Variants in GPC5 observed in about 807,000 individuals in gnomAD.
GPC5 encodes the protein glypican-5.
GPC5 carries 47 observed loss-of-function variants against 53.9 expected under a neutral mutation model. The observed-to-expected ratio is 0.87, with a 90% CI of 0.69 to 1.11. The LOEUF (loss-of-function observed/expected upper bound fraction) is 1.11. Ranked by LOEUF, GPC5 falls within the 50% of genes most tolerant of loss-of-function variation. The probability of loss-of-function intolerance (pLI) is 0.00; values close to 1 mark genes in which losing one functional copy is unlikely to be tolerated. For missense variants in GPC5, 748 were observed against 713.1 expected, an observed-to-expected ratio of 1.05 and a Z score of -0.56; for synonymous variants, 286 against 263.3, an observed-to-expected ratio of 1.09 and a Z score of -0.84.
intron 5 of GPC5, among the ~76,000 whole-genome samples, chr13:91,846,110 G>T (rs1343576041): frequency 6.6e-6 from 1 of 152,018 alleles, no homozygotes; most frequent in Non-Finnish European, 1.5e-5. Flanking sequence ...AAAGAGTTGT[G>T]GGGCTCCCTC....
At chr13:92,318,657 G>C (rs1269547538) in intron 7 of GPC5, among the ~76,000 whole-genome samples, 1 of 152,046 alleles carries the variant, frequency 6.6e-6, no homozygotes, top group Admixed American at 6.6e-5. Context: ...TGTTTAATGT[G>C]GGATGCATGA....
At chr13:92,578,001 T>G (rs1207977004) in intron 7 of GPC5, among the ~76,000 whole-genome samples, 1 of 152,190 alleles carries the variant, frequency 6.6e-6, no homozygotes, top group Admixed American at 6.5e-5. Flanking sequence ...GGAAAGACGA[T>G]GCAATGAAGG....
Position 92,113,536 on chromosome 13 carries a change from C to T in GPC5, c.1402-31294C>T, listed in dbSNP as rs563156332. On this transcript the variant is annotated intron_variant, in intron 6 of 7. Coordinates refer to ENST00000377067, the MANE Select transcript of GPC5 (RefSeq NM_004466.6). ...AGCTTAGACATTTGTCTTCACACAA[C>T]ATATACAATTTAATATAGGGTAATA... Among the ~76,000 whole-genome samples, 44 of 152,246 alleles carry T rather than the reference C, an allele frequency of 2.9e-4. 1 individual carries two copies. Among genetic ancestry groups the T allele is most frequent in the African/African-American group, 9.6e-4 (40 of 41,564 alleles).
chr13:92,160,294 T>C (rs1354155025), intron 7 of GPC5, among the ~76,000 whole-genome samples: 2 of 152,212 alleles, frequency 1.3e-5, no homozygotes, highest in East Asian at 3.9e-4. Context: ...GTTCCTGTTT[T>C]CTTGACTGGA....
chr13:92,289,457 T>C (rs2042978822), intron 7 of GPC5, among the ~76,000 whole-genome samples: 1 of 152,078 alleles, frequency 6.6e-6, no homozygotes, highest in Non-Finnish European at 1.5e-5. Context: ...ATGTTAAATA[T>C]CATGAATTAT....
intron 7 of GPC5, among the ~76,000 whole-genome samples, chr13:92,640,261 T>G (rs1451426377): frequency 6.6e-6 from 1 of 151,758 alleles, no homozygotes; most frequent in African/African-American, 2.4e-5. Context: ...CAGATGTTGT[T>G]TTGTTTTGTT....
intron 7 of GPC5, among the ~76,000 whole-genome samples, chr13:92,400,595 A>G (rs901997438): frequency 1.3e-5 from 2 of 152,206 alleles, no homozygotes; most frequent in African/African-American, 2.4e-5. Context: ...CCTAAATGCC[A>G]TGGCAGCCAT....
At chr13:92,795,940 G>A (rs1594513141) in intron 7 of GPC5, among the ~76,000 whole-genome samples, 1 of 152,234 alleles carries the variant, frequency 6.6e-6, no homozygotes, top group African/African-American at 2.4e-5. Flanking sequence ...CAACCATTGT[G>A]GAAGACAGTG....
At chr13:91,626,827 A>G (rs1456355747) in intron 2 of GPC5, among the ~76,000 whole-genome samples, 3 of 151,340 alleles carry the variant, frequency 2.0e-5, no homozygotes, top group South Asian at 4.2e-4. Flanking sequence ...CATTCCCCCA[A>G]CCCCACAACA....
At chr13:92,101,448 G>T (rs374958390) in intron 6 of GPC5, among the ~76,000 whole-genome samples, 1 of 152,090 alleles carries the variant, frequency 6.6e-6, no homozygotes, top group African/African-American at 2.4e-5. Context: ...CAGTTACCAC[G>T]GACTGGCCAT....
chr13:92,082,696 C>T (rs952765129), intron 6 of GPC5, among the ~76,000 whole-genome samples: 1 of 152,124 alleles, frequency 6.6e-6, no homozygotes, highest in African/African-American at 2.4e-5. Context: ...TTAAATTTTT[C>T]TCTACAGAGT....
rs116263226 is a variant in GPC5, at chr13:92,052,436, G to A, written c.1402-92394G>A. 3.2e-3 allele frequency among the ~76,000 whole-genome samples: 480 copies of A among 152,302 alleles called. 4 individuals carry two copies. Among genetic ancestry groups the A allele is most frequent in the African/African-American group, 0.01 (425 of 41,566 alleles). On this transcript the variant is annotated intron_variant, in intron 6 of 7. Coordinates refer to ENST00000377067, the MANE Select transcript of GPC5 (RefSeq NM_004466.6). ...GTGTCCACAGCGTGGAAGGGAACCC[G>A]AGCGGGTTGCTGCCACTGGCTAGGG...
At chr13:92,496,332 A>T (rs954633113) in intron 7 of GPC5, among the ~76,000 whole-genome samples, 1 of 152,230 alleles carries the variant, frequency 6.6e-6, no homozygotes, top group Non-Finnish European at 1.5e-5. Flanking sequence ...TGGCATTTAG[A>T]TTCTAAAGCT....
At chr13:92,008,198 G>A (rs1177954441) in intron 6 of GPC5, among the ~76,000 whole-genome samples, 1 of 151,846 alleles carries the variant, frequency 6.6e-6, no homozygotes, top group Non-Finnish European at 1.5e-5. Flanking sequence ...GAGTAGCTGG[G>A]ACTACAGGCG....
chr13:91,431,780 G>A (rs949834449), intron 1 of GPC5, among the ~76,000 whole-genome samples: 6 of 152,204 alleles, frequency 3.9e-5, no homozygotes, highest in Non-Finnish European at 8.8e-5. Context: ...GGGTTATTAT[G>A]AGGTGGGCTG....
At chr13:91,498,239 ATTTTTTTTT>A (rs60732957) in intron 2 of GPC5, among the ~76,000 whole-genome samples, 1 of 110,234 alleles carries the variant, frequency 9.1e-6, no homozygotes, top group Non-Finnish European at 1.8e-5. Flanking sequence ...CTACCCAAAG[ATTTTTTTTT>A]TTTTTTTTTT....
intron 3 of GPC5, among the ~76,000 whole-genome samples, chr13:91,707,575 C>T (rs571774614): frequency 6.6e-6 from 1 of 152,202 alleles, no homozygotes; most frequent in East Asian, 1.9e-4. Flanking sequence ...GAGCCATGAT[C>T]GCGCCACTGC....
At chr13:92,386,673 T>C (rs1874741328) in intron 7 of GPC5, among the ~76,000 whole-genome samples, 1 of 152,076 alleles carries the variant, frequency 6.6e-6, no homozygotes, top group East Asian at 1.9e-4. Flanking sequence ...CTGCATATTG[T>C]GGTAACAAGC....
At chr13:91,807,652 T>A (rs765832658) in intron 5 of GPC5, among the ~76,000 whole-genome samples, 3 of 152,152 alleles carry the variant, frequency 2.0e-5, no homozygotes, top group African/African-American at 4.8e-5. Flanking sequence ...ATAGTAGCAT[T>A]TTTGAGGAAT....
Sources: allele counts gnomAD v4.1 joint callset (sites outside exome capture counted in the v4.1 genomes callset), GRCh38; gene constraint gnomAD v4.1.1; transcripts MANE v1.5; gene names NCBI Gene and HGNC (gene_info 2026-07-23, HGNC 2026-07-21).